The following TBC1D22A variants were observed in gnomAD, a reference collection of about 807,000 sequenced individuals.
TBC1D22A encodes TBC1 domain family member 22A.
A neutral mutation model predicts 60.2 loss-of-function variants in TBC1D22A; 38 were observed. The observed-to-expected ratio is 0.63, with a 90% confidence interval of 0.49 to 0.83. TBC1D22A has a LOEUF of 0.83. Ranked by LOEUF, TBC1D22A falls within the 40% of genes least tolerant of loss-of-function variation. TBC1D22A has a pLI of 0.00. For synonymous variants in TBC1D22A, 302 were observed against 281.7 expected (o/e 1.07, Z -0.72); for missense variants, 628 against 701.0 (o/e 0.90, Z 1.18).
intron 12 of TBC1D22A, among the ~76,000 whole-genome samples, chr22:47,172,167 A>T (rs1281460536): frequency 6.6e-6 from 1 of 151,892 alleles, no homozygotes; most frequent in Non-Finnish European, 1.5e-5. Context: ...GTTCCCACCC[A>T]GCATGCCCAG....
At chr22:46,793,298 C>T (rs911170549) in intron 2 of TBC1D22A, among the ~76,000 whole-genome samples, 2 of 152,226 alleles carry the variant, frequency 1.3e-5, no homozygotes, top group African/African-American at 4.8e-5. Flanking sequence ...GGAGCCCCCT[C>T]CCCCTCCTGC....
At chr22:47,030,219 G>A (rs1325129533) in intron 10 of TBC1D22A, among the ~76,000 whole-genome samples, 1 of 152,218 alleles carries the variant, frequency 6.6e-6, no homozygotes, top group Admixed American at 6.5e-5. Context: ...ATGTATTTGT[G>A]TCTGTTCTCG....
At chr22:46,959,139 TG>T (rs1304585690) in intron 8 of TBC1D22A, among the ~76,000 whole-genome samples, 5 of 152,166 alleles carry the variant, frequency 3.3e-5, no homozygotes, top group Admixed American at 3.3e-4. Flanking sequence ...TGAGGAACTG[TG>T]GGGCTTTAGG....
At chr22:47,071,511 C>T (rs1337187204) in intron 11 of TBC1D22A, among the ~76,000 whole-genome samples, 15 of 152,240 alleles carry the variant, frequency 9.9e-5, no homozygotes, top group Non-Finnish European at 1.5e-4. Context: ...TGAGTCGGCC[C>T]CACTCTGGGG....
chr22:46,808,216 G>T (rs1330343614), intron 4 of TBC1D22A, among the ~76,000 whole-genome samples: 1 of 151,958 alleles, frequency 6.6e-6, no homozygotes, highest in Non-Finnish European at 1.5e-5. Context: ...AAATTAGCCG[G>T]GCGTGATGGC....
At chr22:46,799,546 G>A (rs1458689690) in intron 4 of TBC1D22A, among the ~76,000 whole-genome samples, 2 of 152,184 alleles carry the variant, frequency 1.3e-5, no homozygotes, top group Non-Finnish European at 2.9e-5. Context: ...GTCACATTCT[G>A]CCAGTTGTCC....
At chr22:46,881,939 C>T (rs926426682) in intron 5 of TBC1D22A, among the ~76,000 whole-genome samples, 1 of 152,206 alleles carries the variant, frequency 6.6e-6, no homozygotes, top group Non-Finnish European at 1.5e-5. Context: ...GCGAGTCACC[C>T]ATCCCTGAGT....
intron 4 of TBC1D22A, among the ~76,000 whole-genome samples, chr22:46,811,028 A>T (rs2147032265): frequency 6.6e-6 from 1 of 152,330 alleles, no homozygotes; most frequent in African/African-American, 2.4e-5. Flanking sequence ...AGAGTCCATC[A>T]TGCGGCTGTC....
intron 12 of TBC1D22A, among the ~76,000 whole-genome samples, chr22:47,132,689 C>T (rs966681524): frequency 6.6e-6 from 1 of 152,208 alleles, no homozygotes; most frequent in Admixed American, 6.5e-5. Flanking sequence ...TTGTCTGCCA[C>T]GGTTGCTGTG....
At chr22:46,936,938 T>G (rs1235422803) in intron 8 of TBC1D22A, among the ~76,000 whole-genome samples, 1 of 152,208 alleles carries the variant, frequency 6.6e-6, no homozygotes, top group Admixed American at 6.5e-5. Context: ...AATCTCTAAG[T>G]GTACAGCTGT....
intron 11 of TBC1D22A, among the ~76,000 whole-genome samples, chr22:47,085,433 A>G (rs2064639714): frequency 6.6e-6 from 1 of 152,204 alleles, no homozygotes. Flanking sequence ...TATTTTATCC[A>G]TGCAGTCTTA....
chr22:47,144,913 C>T (rs1286144883), intron 12 of TBC1D22A, among the ~76,000 whole-genome samples: 2 of 152,068 alleles, frequency 1.3e-5, no homozygotes, highest in Non-Finnish European at 2.9e-5. Context: ...GTGAAGGTGC[C>T]TGCTGGCTGA....
rs533627756 is a variant in TBC1D22A at position 47,051,699 on chromosome 22, G to A, written c.1329+14501G>A. ...TGAGCCCTGGCCGCTTGCCTGGGGT[G>A]GGGGCAGCCGGCACCTCCCTGCAGC... On this transcript the variant is annotated intron_variant, in intron 11 of 12. Coordinates refer to ENST00000337137, the MANE Select transcript of TBC1D22A (RefSeq NM_014346.5). 2.7e-3 allele frequency among the ~76,000 whole-genome samples: 411 copies of A among 152,298 alleles called. 3 individuals carry two copies. Among genetic ancestry groups the A allele is most frequent in the Non-Finnish European group, 4.8e-3 (326 of 68,010 alleles).
chr22:47,111,726 G>A lies in TBC1D22A; in HGVS notation c.1425+123G>A, dbSNP rs11912084. On this transcript the variant is annotated intron_variant, in intron 12 of 12. Coordinates refer to ENST00000337137, the MANE Select transcript of TBC1D22A (RefSeq NM_014346.5). Reference sequence around the variant, plus strand: ...TGAGAAGCGCTGCCTGCATTTCGCCGCTGACCTCCTGCTGGTTGAAAGCTC... The same window carrying A: ...TGAGAAGCGCTGCCTGCATTTCGCCACTGACCTCCTGCTGGTTGAAAGCTC... The A allele has an allele frequency of 5.9e-4, 493 of 834,286 alleles. 2 individuals are homozygous for A. In the African/African-American group the frequency reaches 6.5e-3, roughly 11 times the overall value. 51.7% of individuals were successfully genotyped at this position (834,286 alleles called of 1,614,324 possible).
At chr22:47,049,142 C>T (rs1383852963) in intron 11 of TBC1D22A, among the ~76,000 whole-genome samples, 3 of 152,200 alleles carry the variant, frequency 2.0e-5, no homozygotes, top group Admixed American at 6.5e-5. Flanking sequence ...ACAGCTCTGC[C>T]GGGTACACGT....
At chr22:46,887,150 G>A (rs1442574858) in intron 5 of TBC1D22A, among the ~76,000 whole-genome samples, 1 of 152,194 alleles carries the variant, frequency 6.6e-6, no homozygotes, top group African/African-American at 2.4e-5. Context: ...AAAGGAGGAG[G>A]CAGATGGCCT....
In TBC1D22A at chr22:47,100,299, G is replaced by A. The variant is rs576754114; in HGVS notation, c.1330-11209G>A. On this transcript the variant is annotated intron_variant, in intron 11 of 12. Coordinates refer to ENST00000337137, the MANE Select transcript of TBC1D22A (RefSeq NM_014346.5). ...AAGAGTGAGGCTGTGGAGTGCAGGG[G>A]TGAGGCATGGGGAATAGGAATGAGG... Among the ~76,000 whole-genome samples, 13 of 152,088 alleles carry A rather than the reference G, an allele frequency of 8.5e-5. 1 individual carries two copies. The highest frequency in any genetic ancestry group is 7.8e-4 in the Admixed American group (12 of 15,292).
intron 8 of TBC1D22A, among the ~76,000 whole-genome samples, chr22:46,941,670 T>C (rs943370249): frequency 2.7e-5 from 4 of 147,510 alleles, no homozygotes; most frequent in Admixed American, 6.9e-5. Flanking sequence ...ATACGCGGAA[T>C]ATATATACGG....
intron 1 of TBC1D22A, among the ~76,000 whole-genome samples, chr22:46,763,587 G>C (rs943398357): frequency 2.0e-5 from 3 of 151,874 alleles, no homozygotes; most frequent in African/African-American, 7.3e-5. Flanking sequence ...GGTGAAAACA[G>C]ATCAGAGATA....
Sources: gnomAD v4.1 joint callset for allele counts (sites outside exome capture counted in the v4.1 genomes callset) on GRCh38, gnomAD v4.1.1 for gene constraint, MANE v1.5 for transcripts, NCBI Gene and HGNC (gene_info 2026-07-23, HGNC 2026-07-21) for gene names.